The following ATP2B2 variants were observed in gnomAD, a reference collection of about 807,000 sequenced individuals.
ATP2B2 encodes ATPase plasma membrane Ca2+ transporting 2, also known as plasma membrane calcium-transporting ATPase 2.
In ATP2B2, 15 loss-of-function variants were observed where a neutral mutation model predicts 120.0. The observed-to-expected ratio is 0.12, with a 90% CI of 0.08 to 0.19. The LOEUF is 0.19. Among genes scored for constraint, ATP2B2 ranks in the 10% least tolerant of loss-of-function variants. ATP2B2 has a pLI of 1.00. For synonymous variants in ATP2B2, 694 were observed against 700.3 expected (o/e 0.99, Z 0.14); for missense variants, 1,045 against 1,719.8 (o/e 0.61, Z 6.94).
upstream of ATP2B2, among the ~76,000 whole-genome samples, chr3:10,509,708 C>A (rs2066721477): frequency 6.6e-6 from 1 of 152,186 alleles, no homozygotes; most frequent in Non-Finnish European, 1.5e-5. Flanking sequence ...ACCACACGGG[C>A]TGGCTTGCCC....
chr3:10,625,147 G>C (rs956748250), intron 1 of ATP2B2, among the ~76,000 whole-genome samples: 14 of 152,250 alleles, frequency 9.2e-5, no homozygotes, highest in Non-Finnish European at 1.8e-4. Flanking sequence ...TGGTATTCTG[G>C]CTACACAAGG....
intron 7 of ATP2B2, 67 bp from the exon 8 acceptor site, chr3:10,385,394 A>G (rs919686043): frequency 7.1e-7 from 1 of 1,403,564 alleles, no homozygotes; most frequent in Non-Finnish European, 1.0e-6. Context: ...CGACAAAGAC[A>G]TGAACCAACT....
intron 2 of ATP2B2, among the ~76,000 whole-genome samples, chr3:10,424,530 G>C (rs1381716473): frequency 6.6e-6 from 1 of 152,238 alleles, no homozygotes; most frequent in African/African-American, 2.4e-5. Flanking sequence ...AAATATTTGT[G>C]TTGTCACTGT....
chr3:10,581,621 C>G (rs189288653), intron 2 of ATP2B2, among the ~76,000 whole-genome samples: 2 of 152,190 alleles, frequency 1.3e-5, no homozygotes, highest in South Asian at 4.1e-4. Flanking sequence ...CACTAGGCAT[C>G]GCAAGGAATT....
chr3:10,359,993 T>C lies in ATP2B2; in HGVS notation c.1790A>G (p.Tyr597Cys). Residue 597 changes from tyrosine (Y) to cysteine (C), a missense_variant, in exon 13 of 23, where the codon TAC becomes TGC. Physicochemically the swap from Tyr to Cys is radical, Grantham distance 194 (BLOSUM62 -2). Coordinates refer to ENST00000360273, the MANE Select transcript of ATP2B2 (RefSeq NM_001001331.4). ...VRSQMPEEKL[Y>C]KVYTFNSVRK... ...CACGGAGTTGAAGGTGTACACTTTG[T>C]ACAACTTCTCCTCTGGCATCTGGCT... The C allele has an allele frequency of 6.2e-7, 1 of 1,614,222 alleles. No homozygotes were observed. Among genetic ancestry groups the C allele is most frequent in the South Asian group, 1.1e-5 (1 of 91,086 alleles).
chr3:10,538,486 T>C (rs1362551730), intron 2 of ATP2B2, among the ~76,000 whole-genome samples: 1 of 152,208 alleles, frequency 6.6e-6, no homozygotes. Flanking sequence ...AATAAAATAC[T>C]GGCAAACTGA....
Position 10,372,063 on chromosome 3 carries a change from G to T in ATP2B2, c.1417-12C>A, listed in dbSNP as rs1450196165. ...TCCTTCATCATTTTCTGGGAGAAGGGGCAGGTGAGAGGGCAACAGTGAGGA... is the reference window on the plus strand; with the variant it reads ...TCCTTCATCATTTTCTGGGAGAAGGTGCAGGTGAGAGGGCAACAGTGAGGA... On this transcript the variant is annotated splice_polypyrimidine_tract_variant and intron_variant, in intron 11 of 22. Coordinates refer to ENST00000360273, the MANE Select transcript of ATP2B2 (RefSeq NM_001001331.4). The T allele has an allele frequency of 6.2e-7, 1 of 1,613,950 alleles. No individual in the cohort carries two copies. Among genetic ancestry groups the T allele is most frequent in the Non-Finnish European group, 8.5e-7 (1 of 1,179,978 alleles).
chr3:10,620,702 G>A (rs2069521412), intron 1 of ATP2B2, among the ~76,000 whole-genome samples: 1 of 152,142 alleles, frequency 6.6e-6, no homozygotes, highest in Non-Finnish European at 1.5e-5. Context: ...CTGACCCTGA[G>A]GGAGGGAGCT....
intron 1 of ATP2B2, among the ~76,000 whole-genome samples, chr3:10,502,646 C>A (rs143055586): frequency 6.6e-6 from 1 of 152,356 alleles, no homozygotes; most frequent in East Asian, 1.9e-4. Context: ...GCTTTCTAGG[C>A]ATCAGCAACT....
intron 9 of ATP2B2, among the ~76,000 whole-genome samples, 190 bp from the exon 10 acceptor site, chr3:10,378,600 G>A (rs1186624879): frequency 6.6e-6 from 1 of 152,196 alleles, no homozygotes; most frequent in East Asian, 1.9e-4. Flanking sequence ...CCGGAGCTAT[G>A]GATCCCAGTG....
At chr3:10,706,833 G>A (rs2071903656) in intron 1 of ATP2B2, among the ~76,000 whole-genome samples, 1 of 152,140 alleles carries the variant, frequency 6.6e-6, no homozygotes, top group Non-Finnish European at 1.5e-5. Context: ...GTGTCCCAGA[G>A]CCCAAATCCC....
At chr3:10,390,263 TCTCA>T (rs58146656) in intron 5 of ATP2B2, among the ~76,000 whole-genome samples, 1,666 of 152,290 alleles carry the variant, frequency 0.011, 34 homozygotes, top group African/African-American at 0.038. Context: ...ATAACTTATC[TCTCA>T]CTGTGTTTTG....
At chr3:10,679,336 A>G (rs995752877) in intron 1 of ATP2B2, among the ~76,000 whole-genome samples, 1 of 152,234 alleles carries the variant, frequency 6.6e-6, no homozygotes, top group Non-Finnish European at 1.5e-5. Context: ...GAGAAAATGC[A>G]TGTGCTGTCT....
Position 10,635,118 on chromosome 3 carries a change from G to A in ATP2B2, c.-459-15157C>T, listed in dbSNP as rs1455062848. On this transcript the variant is annotated intron_variant, in intron 1 of 21. Coordinates refer to the ATP2B2 transcript ENST00000646379. The surrounding 1 kb of genome is among the most constrained non-coding windows in gnomAD (Gnocchi z 4.3). ...CTGGCCTCTCTGTGGGAGACAATACGGAGCAGGAGGTACTGTGAGGATATG... is the reference window on the plus strand; with the variant it reads ...CTGGCCTCTCTGTGGGAGACAATACAGAGCAGGAGGTACTGTGAGGATATG... Among the ~76,000 whole-genome samples the A allele has an allele frequency of 6.6e-6, 1 of 151,966 alleles. No individual in the cohort carries two copies. Among genetic ancestry groups the A allele is most frequent in the African/African-American group, 2.4e-5 (1 of 41,376 alleles).
chr3:10,534,426 C>T (rs532543394), intron 2 of ATP2B2, among the ~76,000 whole-genome samples: 1 of 152,238 alleles, frequency 6.6e-6, no homozygotes, highest in African/African-American at 2.4e-5. Context: ...GAGAGGGCTG[C>T]CCCTTTCACT....
chr3:10,539,606 A>G (rs1195091505), intron 2 of ATP2B2, among the ~76,000 whole-genome samples: 2 of 152,238 alleles, frequency 1.3e-5, no homozygotes, highest in Non-Finnish European at 1.5e-5. Flanking sequence ...GACAACAACA[A>G]GAAATGGGGA....
chr3:10,565,459 C>T (rs2067989899), intron 2 of ATP2B2, among the ~76,000 whole-genome samples: 1 of 152,146 alleles, frequency 6.6e-6, no homozygotes, highest in African/African-American at 2.4e-5. Flanking sequence ...GCTTCTCTGC[C>T]TCCTTGGCCA....
chr3:10,641,294 GGA>G (rs1436291069), intron 1 of ATP2B2, among the ~76,000 whole-genome samples: 2 of 152,146 alleles, frequency 1.3e-5, no homozygotes, highest in African/African-American at 4.8e-5. Flanking sequence ...TCTAGACTGG[GGA>G]TTGCAAACTC....
chr3:10,378,479 G>C, intron 9 of ATP2B2, 69 bp from the exon 10 acceptor site: 1 of 1,590,460 alleles, frequency 6.3e-7, no homozygotes, highest in Non-Finnish European at 8.5e-7. Flanking sequence ...CAGCCCACAG[G>C]GTGGAGACGC....
Sources: gnomAD v4.1 joint callset for allele counts (sites outside exome capture counted in the v4.1 genomes callset) on GRCh38, gnomAD v4.1.1 for gene constraint, Gnocchi (gnomAD v3.1) non-coding constraint, MANE v1.5 for transcripts, NCBI Gene and HGNC (gene_info 2026-07-23, HGNC 2026-07-21) for gene names.